Variants in ARFGAP3 observed in about 807,000 individuals in gnomAD.
ARFGAP3 encodes the protein ADP-ribosylation factor GTPase-activating protein 3.
ARFGAP3 carries 72 observed loss-of-function variants against 75.0 expected under a neutral mutation model. The observed-to-expected ratio is 0.96, with a 90% CI of 0.79 to 1.17. The LOEUF is 1.17. ARFGAP3 is among the 50% of genes most tolerant of loss of function. The pLI, the probability that ARFGAP3 is intolerant of heterozygous loss-of-function variation, is 0.00. For synonymous variants in ARFGAP3, 221 were observed against 217.9 expected (o/e 1.01, Z -0.13); for missense variants, 620 against 626.6 (o/e 0.99, Z 0.11).
At chr22:42,816,728 GC>G (rs1244488370) in intron 11 of ARFGAP3, among the ~76,000 whole-genome samples, 2 of 152,124 alleles carry the variant, frequency 1.3e-5, no homozygotes, top group African/African-American at 4.8e-5. Flanking sequence ...TTTATTTAAT[GC>G]ACTATTGTAC....
chr22:42,832,533 C>CAAA (rs55833497), intron 5 of ARFGAP3, among the ~76,000 whole-genome samples: 1 of 122,626 alleles, frequency 8.2e-6, no homozygotes, highest in Non-Finnish European at 1.7e-5. Flanking sequence ...GACTCCATCT[C>CAAA]AAAAAAAAAA....
chr22:42,834,388 T>C, intron 4 of ARFGAP3, 63 bp from the exon 5 acceptor site: 1 of 1,577,408 alleles, frequency 6.3e-7, no homozygotes, highest in Non-Finnish European at 8.6e-7. Flanking sequence ...TTTTATTTGA[T>C]ACCTTTCACT....
At chr22:42,842,933 C>G in intron 2 of ARFGAP3, among the ~76,000 whole-genome samples, 1 of 152,114 alleles carries the variant, frequency 6.6e-6, no homozygotes, top group Non-Finnish European at 1.5e-5. Context: ...ATGTGCCAGG[C>G]TGTATGGGGC....
chr22:42,799,367 A>C, intron 14 of ARFGAP3: 1 of 392,118 alleles, frequency 2.6e-6, no homozygotes, highest in Non-Finnish European at 3.5e-6. Context: ...CAGAAAATGT[A>C]GTATGGGGGA....
chr22:42,799,533 T>C, intron 14 of ARFGAP3, among the ~76,000 whole-genome samples: 1 of 152,172 alleles, frequency 6.6e-6, no homozygotes, highest in Non-Finnish European at 1.5e-5. Context: ...CCAACACGGA[T>C]GGCCTGTTTC....
At chr22:42,814,249 T>A (rs1382418166) in intron 11 of ARFGAP3, among the ~76,000 whole-genome samples, 1 of 152,262 alleles carries the variant, frequency 6.6e-6, no homozygotes, top group Non-Finnish European at 1.5e-5. Context: ...ATGAATAATT[T>A]GAAAGCAATA....
chr22:42,852,695 A>T (rs1298175068), intron 1 of ARFGAP3, among the ~76,000 whole-genome samples: 1 of 151,788 alleles, frequency 6.6e-6, no homozygotes. Flanking sequence ...AGGGCCCTGC[A>T]TTTTCATTTT....
chr22:42,805,500 C>A (rs1015736922), intron 14 of ARFGAP3, among the ~76,000 whole-genome samples: 12 of 152,176 alleles, frequency 7.9e-5, no homozygotes, highest in African/African-American at 2.7e-4. Context: ...CCAAAGGTGG[C>A]CGGAGTGCCT....
intron 3 of ARFGAP3, among the ~76,000 whole-genome samples, chr22:42,836,570 A>C (rs1926530738): frequency 6.6e-6 from 1 of 152,230 alleles, no homozygotes; most frequent in Non-Finnish European, 1.5e-5. Context: ...AGATGATAAA[A>C]CAAGTATTTA....
intron 10 of ARFGAP3, 102 bp downstream of exon 10, chr22:42,817,625 CAA>C: frequency 1.1e-6 from 1 of 885,938 alleles, no homozygotes; most frequent in Non-Finnish European, 1.7e-6. Flanking sequence ...TAATGAATAA[CAA>C]AAAAAAATCT....
chr22:42,815,451 T>G (rs1452730455), intron 11 of ARFGAP3, among the ~76,000 whole-genome samples: 5 of 150,028 alleles, frequency 3.3e-5, no homozygotes, highest in Admixed American at 1.3e-4. Flanking sequence ...GGACTTGAAA[T>G]AATTTAGAGC....
intron 2 of ARFGAP3, among the ~76,000 whole-genome samples, chr22:42,845,106 A>G (rs751742657): frequency 6.6e-6 from 1 of 152,220 alleles, no homozygotes; most frequent in Non-Finnish European, 1.5e-5. Flanking sequence ...CTTAGCAGAA[A>G]GAAAGAGGGA....
At chr22:42,837,394 G>A (rs1602121293) in intron 3 of ARFGAP3, among the ~76,000 whole-genome samples, 2 of 152,226 alleles carry the variant, frequency 1.3e-5, no homozygotes, top group South Asian at 4.2e-4. Flanking sequence ...GCAGAGGTAG[G>A]CAGATCACTT....
intron 15 of ARFGAP3, 23 bp from the exon 16 acceptor site, chr22:42,797,628 A>C (rs1481674836): frequency 6.2e-7 from 1 of 1,613,980 alleles, no homozygotes; most frequent in South Asian, 1.1e-5. Flanking sequence ...CCAAAATGGA[A>C]GTTCACGACC....
intron 13 of ARFGAP3, among the ~76,000 whole-genome samples, chr22:42,807,580 G>A (rs1925183419): frequency 6.6e-6 from 1 of 152,192 alleles, no homozygotes; most frequent in Admixed American, 6.5e-5. Context: ...TGTGGGAACA[G>A]CAAGGGGCAA....
chr22:42,808,982 A>G (rs951530077), intron 12 of ARFGAP3, 92 bp from the exon 13 acceptor site: 52 of 1,325,374 alleles, frequency 3.9e-5, no homozygotes, highest in Non-Finnish European at 4.9e-5. Context: ...TGCCAACAGC[A>G]GTAAATTTTG....
rs71186547 is a variant in ARFGAP3 at position 42,837,675 on chromosome 22, C to CTTTTTTTTTTTTTTTTTTTTTT, written c.262-2204_262-2183dup. Among the ~76,000 whole-genome samples the CTTTTTTTTTTTTTTTTTTTTTT allele has an allele frequency of 7.1e-4, 54 of 75,660 alleles. 8 individuals are homozygous for CTTTTTTTTTTTTTTTTTTTTTT. The highest frequency in any genetic ancestry group is 1.5e-3 in the African/African-American group (24 of 16,054). The allele number at this position is 75,660 out of a possible 152,430, so 49.6% of individuals were successfully genotyped here. A position where few individuals can be genotyped will look rare whatever the true frequency, so the allele number is the denominator to read the frequency against. On this transcript the variant is annotated intron_variant, in intron 3 of 15. Coordinates refer to ENST00000263245, the MANE Select transcript of ARFGAP3 (RefSeq NM_014570.5). ...GCCTTGAAACATCTAAGGCATACTT[C>CTTTTTTTTTTTTTTTTTTTTTT]TTTTTTTTTTTTTTTTTTTTTTGAG...
At position 42,851,846 on chromosome 22, in the gene ARFGAP3, C is replaced by G. The variant is rs569790198; in HGVS notation, c.70-4214G>C. 2.0e-5 allele frequency among the ~76,000 whole-genome samples: 3 copies of G among 152,274 alleles called. No homozygotes were observed. In the East Asian group the frequency reaches 5.8e-4, roughly 29 times the overall value. On this transcript the variant is annotated intron_variant, in intron 1 of 15. Coordinates refer to ENST00000263245, the MANE Select transcript of ARFGAP3 (RefSeq NM_014570.5). ...ATTAGTATACAAATAATAATAACAG[C>G]TAATATTGAGTGTTTAATTCAGGCA... is the stretch of plus-strand genomic sequence containing the variant.
At chr22:42,840,291 T>C (rs932821772) in intron 3 of ARFGAP3, among the ~76,000 whole-genome samples, 11 of 152,100 alleles carry the variant, frequency 7.2e-5, no homozygotes, top group African/African-American at 2.7e-4. Context: ...CGCTTCCTGT[T>C]TATTAGGTGT....
Sources: gnomAD v4.1 joint callset for allele counts (sites outside exome capture counted in the v4.1 genomes callset) on GRCh38, gnomAD v4.1.1 for gene constraint, MANE v1.5 for transcripts, NCBI Gene and HGNC (gene_info 2026-07-23, HGNC 2026-07-21) for gene names.